The following CDC42BPB variants were observed in gnomAD, a reference collection of about 807,000 sequenced individuals.
CDC42BPB encodes CDC42 binding protein kinase beta.
Under a neutral mutation model 214.9 loss-of-function variants are expected in CDC42BPB, and 37 were observed. The ratio of observed to expected loss-of-function variants is 0.17; its 90% CI spans 0.13 to 0.23. CDC42BPB has a LOEUF of 0.23. Among genes scored for constraint, CDC42BPB ranks in the 10% least tolerant of loss-of-function variants. The pLI, the probability that CDC42BPB is intolerant of heterozygous loss-of-function variation, is 1.00. For synonymous variants in CDC42BPB, 931 were observed against 884.0 expected (o/e 1.05, Z -0.94); for missense variants, 1,694 against 2,227.0 (o/e 0.76, Z 4.82).
intron 3 of CDC42BPB, among the ~76,000 whole-genome samples, chr14:103,006,816 G>A (rs1398209583): frequency 6.6e-6 from 1 of 152,138 alleles, no homozygotes; most frequent in Non-Finnish European, 1.5e-5. Context: ...AATTAAACTG[G>A]ATCTGTGTCA....
intron 6 of CDC42BPB, among the ~76,000 whole-genome samples, chr14:102,985,680 G>A (rs1250401426): frequency 1.3e-5 from 2 of 152,246 alleles, no homozygotes; most frequent in African/African-American, 4.8e-5. Context: ...AAATCCGCCA[G>A]TAGGCAAGAA....
chr14:102,986,273 T>C (rs900028879), intron 6 of CDC42BPB: 14 of 489,312 alleles, frequency 2.9e-5, no homozygotes, highest in African/African-American at 7.8e-5. Flanking sequence ...CATATTACTT[T>C]TGTAAACATA....
At chr14:102,992,469 G>A (rs1042738890) in intron 5 of CDC42BPB, among the ~76,000 whole-genome samples, 2 of 152,154 alleles carry the variant, frequency 1.3e-5, no homozygotes, top group African/African-American at 2.4e-5. Context: ...GGGTAGAGAC[G>A]GTGCTCCTCT....
At chr14:102,967,710 T>A (rs1219447524) in intron 16 of CDC42BPB, among the ~76,000 whole-genome samples, 2 of 152,180 alleles carry the variant, frequency 1.3e-5, no homozygotes, top group Non-Finnish European at 2.9e-5. Flanking sequence ...TAGAGTAAAG[T>A]ACAGTATTAT....
chr14:102,933,930 G>C, intron 36 of CDC42BPB, 87 bp from the exon 37 acceptor site: 1 of 1,447,514 alleles, frequency 6.9e-7, no homozygotes, highest in Non-Finnish European at 9.0e-7. Context: ...TGTTTGCTCA[G>C]GGACAACTGT....
At chr14:102,946,903 C>A in intron 27 of CDC42BPB, 2 of 983,264 alleles carry the variant, frequency 2.0e-6, no homozygotes, top group South Asian at 4.7e-5. Context: ...GAGATCGCTT[C>A]CTGGTCCCAT....
intron 2 of CDC42BPB, among the ~76,000 whole-genome samples, chr14:103,010,354 G>T (rs1040763968): frequency 2.6e-5 from 4 of 152,208 alleles, no homozygotes; most frequent in African/African-American, 9.7e-5. Flanking sequence ...GGTGAGGCCT[G>T]GATCCAGGGT....
intron 17 of CDC42BPB, 87 bp downstream of exon 17, chr14:102,966,959 G>C (rs778202798): frequency 1.4e-6 from 2 of 1,474,042 alleles, no homozygotes; most frequent in Non-Finnish European, 1.9e-6. Context: ...CTGGCGTGGA[G>C]CACAGGATCA....
In CDC42BPB at chr14:102,950,568, G is replaced by T. The variant is rs140416985; in HGVS notation, c.3207C>A (p.Asp1069Glu). The change falls in exon 25 of 37, where the codon GAC (aspartate) becomes GAA (glutamate). Residue 1069 changes from aspartate to glutamate, a missense_variant. Coordinates refer to ENST00000361246, the MANE Select transcript of CDC42BPB (RefSeq NM_006035.4). ...GTATTGGGCACACCTGGGGGGCACC[G>T]TCTTTGCAGGACACGTGGCAAGCAA... is the stretch of plus-strand genomic sequence containing the variant. ...CSFACHVSCK[D>E]GAPQVCPIPP... 37 of 1,604,752 alleles carry T rather than the reference G, an allele frequency of 2.3e-5. No individual in the cohort carries two copies. The African/African-American group carries it at 4.0e-4, about 17-fold the overall frequency.
rs570284541 is a variant in CDC42BPB, at chr14:103,037,802, A to T, written c.175+19197T>A. On this transcript the variant is annotated intron_variant, in intron 1 of 36. Transcript: ENST00000361246. ...TCCCAGCACTTTGGGAGGCCGAGGC[A>T]GGTGGATCACAAGGTCAGGAGATCG... 6.0e-5 allele frequency among the ~76,000 whole-genome samples: 9 copies of T among 150,338 alleles called. No individual in the cohort carries two copies. In the South Asian group the frequency reaches 1.9e-3, roughly 32 times the overall value.
chr14:102,948,081 G>A, intron 26 of CDC42BPB: 7 of 536,448 alleles, frequency 1.3e-5, no homozygotes, highest in Non-Finnish European at 1.6e-5. Context: ...CAGAAGACTC[G>A]GTTTGCACTT....
chr14:102,981,196 C>A (rs1893981212), intron 7 of CDC42BPB, 175 bp from the exon 8 acceptor site: 1 of 985,362 alleles, frequency 1.0e-6, no homozygotes, highest in Non-Finnish European at 1.2e-6. Flanking sequence ...AACAAGAAAA[C>A]CAGTGGTCCT....
intron 5 of CDC42BPB, among the ~76,000 whole-genome samples, chr14:102,991,825 A>G (rs918673517): frequency 6.6e-6 from 1 of 152,238 alleles, no homozygotes; most frequent in African/African-American, 2.4e-5. Flanking sequence ...AAAACTTTTA[A>G]AAGAATGCAC....
chr14:102,946,414 C>T (rs908578138), intron 28 of CDC42BPB, 54 bp downstream of exon 28: 13 of 1,592,398 alleles, frequency 8.2e-6, no homozygotes, highest in South Asian at 5.6e-5. Flanking sequence ...ACTGCAGCGC[C>T]GCCGGAAGTG....
chr14:102,944,727 G>T lies in CDC42BPB; in HGVS notation c.3812-240C>A. 1 of 940,920 alleles carries T rather than the reference G, an allele frequency of 1.1e-6. No homozygotes were observed. Among genetic ancestry groups the T allele is most frequent in the Non-Finnish European group, 1.3e-6 (1 of 789,544 alleles). The allele number at this position is 940,920 out of a possible 1,614,324, so 58.3% of individuals were successfully genotyped here. On this transcript the variant is annotated intron_variant, in intron 29 of 36. Transcript: ENST00000361246. The surrounding 1 kb of genome is among the most constrained non-coding windows in gnomAD (Gnocchi z 6.6). ...CGCTCCTGGGGCAGCCTCGGGGGCT[G>T]GTCCAAAGGCTCCTCTGCCTCTGCT...
intron 7 of CDC42BPB, among the ~76,000 whole-genome samples, chr14:102,983,142 TG>T: frequency 6.6e-6 from 1 of 152,176 alleles, no homozygotes; most frequent in African/African-American, 2.4e-5. Context: ...ACCTAACCAG[TG>T]AATCTAGAGC....
chr14:103,021,822 T>C (rs1009232053), intron 1 of CDC42BPB, among the ~76,000 whole-genome samples: 1 of 152,048 alleles, frequency 6.6e-6, no homozygotes, highest in Non-Finnish European at 1.5e-5. Flanking sequence ...GTGCAGGCGA[T>C]AGCAGTCTGG....
intron 5 of CDC42BPB, among the ~76,000 whole-genome samples, chr14:102,993,502 A>T (rs1328608805): frequency 1.3e-5 from 2 of 148,420 alleles, no homozygotes; most frequent in Non-Finnish European, 3.0e-5. Context: ...AAAGGCAGAA[A>T]GAGAGAGGGA....
chr14:102,980,399 A>T (rs1893945344), intron 8 of CDC42BPB, among the ~76,000 whole-genome samples: 1 of 152,190 alleles, frequency 6.6e-6, no homozygotes. Flanking sequence ...AGGCTGAGGC[A>T]GGAGAATGGC....
Sources: allele counts gnomAD v4.1 joint callset (sites outside exome capture counted in the v4.1 genomes callset), GRCh38; gene constraint gnomAD v4.1.1; non-coding constraint Gnocchi (gnomAD v3.1); transcripts MANE v1.5; gene names NCBI Gene and HGNC (gene_info 2026-07-23, HGNC 2026-07-21).